FGD4: variants seen among roughly 807,000 people sequenced by gnomAD.
FGD4 encodes the protein FYVE, RhoGEF and PH domain-containing protein 4.
In FGD4, 42 loss-of-function variants were observed where a neutral mutation model predicts 102.0. The ratio of observed to expected loss-of-function variants is 0.41; its 90% CI spans 0.32 to 0.53. The LOEUF is 0.53. Among genes scored for constraint, FGD4 ranks in the 20% least tolerant of loss-of-function variants. The probability of loss-of-function intolerance (pLI) is 0.21; values close to 1 mark genes in which losing one functional copy is unlikely to be tolerated. For missense variants in FGD4, 902 were observed against 1,078.2 expected, an observed-to-expected ratio of 0.84 and a Z score of 2.29; for synonymous variants, 380 against 375.7, an observed-to-expected ratio of 1.01 and a Z score of -0.13.
intron 4 of FGD4, among the ~76,000 whole-genome samples, chr12:32,591,194 A>G (rs1459497573): frequency 6.6e-6 from 1 of 152,212 alleles, no homozygotes; most frequent in African/African-American, 2.4e-5. Flanking sequence ...TCTAACTGAC[A>G]GCAGATTTGA....
intron 1 of FGD4, chr12:32,485,845 T>C: frequency 8.3e-7 from 1 of 1,209,102 alleles, no homozygotes; most frequent in South Asian, 3.4e-5. Flanking sequence ...CCCCCGGTAT[T>C]CTAGAGCTCT....
rs75400742 is a variant in FGD4 at position 32,581,287 on chromosome 12, A to G, written c.504-673A>G. Among the ~76,000 whole-genome samples the G allele has an allele frequency of 7.5e-3, 1,138 of 152,306 alleles. 11 individuals carry two copies. Among genetic ancestry groups the G allele is most frequent in the African/African-American group, 0.026 (1,081 of 41,568 alleles). ...TGAGGCCATGCACTTTGGGAACTAG[A>G]GTATGTAGAATCTCATAGGCTGTCA... is the stretch of plus-strand genomic sequence containing the variant. On this transcript the variant is annotated intron_variant, in intron 3 of 16. Transcript: ENST00000534526.
chr12:32,601,661 T>A lies in FGD4; in HGVS notation c.1247+238T>A, dbSNP rs187417703. Reference sequence around the variant, plus strand: ...GTGGAGCTTCAAGAATTCCGGAGCATCTCTCTTTGCTATGGCATTCTGATA... The same window carrying A: ...GTGGAGCTTCAAGAATTCCGGAGCAACTCTCTTTGCTATGGCATTCTGATA... On this transcript the variant is annotated intron_variant, in intron 6 of 16. Transcript: ENST00000534526. Among the ~76,000 whole-genome samples the A allele has an allele frequency of 1.7e-4, 26 of 152,290 alleles. No homozygotes were observed. In the East Asian group the frequency reaches 4.4e-3, roughly 26 times the overall value.
chr12:32,512,699 G>A (rs565162588), intron 1 of FGD4, among the ~76,000 whole-genome samples: 7 of 152,092 alleles, frequency 4.6e-5, no homozygotes, highest in Non-Finnish European at 7.4e-5. Context: ...CTGATCCAGG[G>A]CCCACCTCTT....
intron 1 of FGD4, among the ~76,000 whole-genome samples, chr12:32,471,014 C>A (rs543531084): frequency 6.6e-6 from 1 of 152,272 alleles, no homozygotes; most frequent in South Asian, 2.1e-4. Flanking sequence ...ATGGCTTAGA[C>A]CCTGTGATGG....
rs1412547768 is a variant in FGD4, at chr12:32,432,217, GC to G, written c.166+32261del. Among the ~76,000 whole-genome samples, 5 of 151,828 alleles carry G rather than the reference GC, an allele frequency of 3.3e-5. 1 individual carries two copies. Among genetic ancestry groups the G allele is most frequent in the African/African-American group, 1.2e-4 (5 of 41,506 alleles). On this transcript the variant is annotated intron_variant, in intron 1 of 16. Coordinates refer to ENST00000534526, the MANE Select transcript of FGD4 (RefSeq NM_001370298.3). The stretch of plus-strand genomic sequence containing the variant: ...TGGGACTACAGGCGCCCACCACCAT[GC>G]CCAGCTAATTTTTTGTATTTTTTAG...
intron 1 of FGD4, among the ~76,000 whole-genome samples, chr12:32,405,260 G>GGTT (rs1555177050): frequency 1.3e-5 from 1 of 75,976 alleles, no homozygotes; most frequent in African/African-American, 7.6e-5. Context: ...AGCAGTCAGT[G>GGTT]GTTTTTTTTT....
chr12:32,458,955 T>C (rs1213981306), intron 1 of FGD4, among the ~76,000 whole-genome samples: 1 of 152,164 alleles, frequency 6.6e-6, no homozygotes, highest in Non-Finnish European at 1.5e-5. Flanking sequence ...GTTTCTCCAA[T>C]AGTTAGAAAA....
chr12:32,633,582 C>T lies in FGD4; in HGVS notation c.2206C>T (p.Gln736Ter). ...TTGGAAATGCTCCGACTACAAAGCT[C>T]AACTTGAATATGATGGTGGTAAATT... ...VCWKCSDYKA[Q>*]LEYDGGKLSK... Residue 736 changes from glutamine (Q) to a stop codon, truncating the protein, a stop_gained, in exon 15 of 17, where the codon CAA (glutamine) becomes TAA (stop). Coordinates refer to ENST00000534526, the MANE Select transcript of FGD4 (RefSeq NM_001370298.3). LOFTEE classifies it high-confidence loss of function. 1.9e-6 allele frequency: 3 copies of T among 1,613,700 alleles called. No individual in the cohort carries two copies. The highest frequency in any genetic ancestry group is 2.5e-6 in the Non-Finnish European group (3 of 1,179,886).
In FGD4 at chr12:32,598,497, G is replaced by T; in HGVS notation, c.1012G>T (p.Glu338Ter). The change falls in exon 5 of 17, where the codon GAG becomes TAG. Residue 338 changes from glutamate to a stop codon, truncating the protein, a stop_gained and splice_region_variant. Transcript: ENST00000534526. LOFTEE classifies it high-confidence loss of function. ...GTGTGAATATCTTTCCAATTTTTAG[G>T]AGACTAATGAGCAAAAACTTCACAA... is the stretch of plus-strand genomic sequence containing the variant. ...EQLDQHHEMK[E>*]TNEQKLHKIA... 1 of 1,608,286 alleles carries T rather than the reference G, an allele frequency of 6.2e-7. No individual in the cohort carries two copies. Among genetic ancestry groups the T allele is most frequent in the Non-Finnish European group, 8.5e-7 (1 of 1,176,796 alleles).
At chr12:32,468,819 G>A (rs1943338420) in intron 1 of FGD4, among the ~76,000 whole-genome samples, 2 of 151,906 alleles carry the variant, frequency 1.3e-5, no homozygotes, top group African/African-American at 4.8e-5. Flanking sequence ...ATTTATTCTG[G>A]TGGTTTCTTT....
At chr12:32,466,285 A>G (rs1037572164) in intron 1 of FGD4, among the ~76,000 whole-genome samples, 1 of 152,136 alleles carries the variant, frequency 6.6e-6, no homozygotes, top group Non-Finnish European at 1.5e-5. Flanking sequence ...CTGTACATAT[A>G]CATATAAAAA....
intron 5 of FGD4, 76 bp downstream of exon 5, chr12:32,598,662 AG>A: frequency 8.0e-7 from 1 of 1,248,908 alleles, no homozygotes; most frequent in Non-Finnish European, 1.2e-6. Context: ...AGAGTATTTT[AG>A]AAACTGCATG....
rs538062967 is a variant in FGD4 at position 32,506,046 on chromosome 12, A to T, written c.167-58091A>T. 3.2e-4 allele frequency among the ~76,000 whole-genome samples: 49 copies of T among 152,338 alleles called. No homozygotes were observed. Among genetic ancestry groups the T allele is most frequent in the Non-Finnish European group, 5.3e-4 (36 of 68,032 alleles). On this transcript the variant is annotated intron_variant, in intron 1 of 16. Transcript: ENST00000534526. This position sits in a 1 kb window ranked among gnomAD's most constrained non-coding sequence, Gnocchi z 4.5. ...AAAGAAGAACCTGAGGCCCATAAAG[A>T]TTAAGCAGCTTTTCCAAGGTCAGGA...
intron 1 of FGD4, among the ~76,000 whole-genome samples, chr12:32,542,952 C>G (rs1942957369): frequency 6.6e-6 from 1 of 152,138 alleles, no homozygotes; most frequent in Non-Finnish European, 1.5e-5. Context: ...CAGCAACAAC[C>G]AGTTCTTCAG....
rs140685175 is a variant in FGD4, at chr12:32,444,366, G to T, written c.166+44407G>T. ...ATAGAAAACTTTGACTTGTTTTAAT[G>T]CAGTTCCATGGAACTCTGAATTAAG... is the stretch of plus-strand genomic sequence containing the variant. On this transcript the variant is annotated intron_variant, in intron 1 of 16. Transcript: ENST00000534526. 1.2e-3 allele frequency among the ~76,000 whole-genome samples: 177 copies of T among 152,084 alleles called. 1 individual carries two copies. The highest frequency in any genetic ancestry group is 4.0e-3 in the African/African-American group (167 of 41,516).
chr12:32,422,836 G>A (rs1371640908), intron 1 of FGD4, among the ~76,000 whole-genome samples: 1 of 152,012 alleles, frequency 6.6e-6, no homozygotes, highest in Non-Finnish European at 1.5e-5. Context: ...TATTTACTGA[G>A]TACTTACATT....
intron 1 of FGD4, among the ~76,000 whole-genome samples, chr12:32,563,534 G>A (rs978756078): frequency 2.0e-5 from 3 of 151,540 alleles, no homozygotes; most frequent in Admixed American, 1.3e-4. Flanking sequence ...GCCAGGCAGA[G>A]GGGCTCCTCA....
intron 1 of FGD4, among the ~76,000 whole-genome samples, chr12:32,474,901 C>T (rs983841705): frequency 6.6e-5 from 10 of 152,112 alleles, no homozygotes; most frequent in Admixed American, 4.6e-4. Flanking sequence ...CAGACCCTAT[C>T]TCCAAATTAA....
Sources: gnomAD v4.1 joint callset for allele counts (sites outside exome capture counted in the v4.1 genomes callset) on GRCh38, gnomAD v4.1.1 for gene constraint, Gnocchi (gnomAD v3.1) non-coding constraint, MANE v1.5 for transcripts, NCBI Gene and HGNC (gene_info 2026-07-23, HGNC 2026-07-21) for gene names.